Variants in SH3BGR observed in about 807,000 individuals in gnomAD.
The protein encoded by SH3BGR is SH3 domain-binding glutamic acid-rich protein.
In SH3BGR, 29 loss-of-function variants were observed where a neutral mutation model predicts 24.5. The observed-to-expected ratio is 1.18, with a 90% CI of 0.88 to 1.61. The LOEUF (loss-of-function observed/expected upper bound fraction) is 1.61, where lower values mean the gene tolerates loss of function less well. Among genes scored for constraint, SH3BGR ranks in the 40% most tolerant of loss-of-function variants. The pLI is 0.00. For missense variants in SH3BGR, 162 were observed against 205.8 expected, an observed-to-expected ratio of 0.79 and a Z score of 1.30; for synonymous variants, 55 against 65.7, an observed-to-expected ratio of 0.84 and a Z score of 0.79.
intron 5 of SH3BGR, among the ~76,000 whole-genome samples, chr21:39,510,142 C>T (rs1339841203): frequency 7.7e-6 from 1 of 129,440 alleles, no homozygotes; most frequent in Non-Finnish European, 1.6e-5. Flanking sequence ...CGGGGTTTCA[C>T]CGTGTTAGCC....
chr21:39,495,071 A>T (rs2123479453), intron 3 of SH3BGR, among the ~76,000 whole-genome samples: 1 of 152,000 alleles, frequency 6.6e-6, no homozygotes, highest in South Asian at 2.1e-4. Context: ...CTATTTTTCT[A>T]TTGAGAATCA....
At chr21:39,479,257 T>C (rs943067754) in intron 3 of SH3BGR, among the ~76,000 whole-genome samples, 1 of 148,480 alleles carries the variant, frequency 6.7e-6, no homozygotes, top group Admixed American at 6.7e-5. Context: ...GTGGTGGTGG[T>C]GATGGTAGTG....
At chr21:39,478,780 T>G (rs774392992) in intron 3 of SH3BGR, among the ~76,000 whole-genome samples, 38 of 152,096 alleles carry the variant, frequency 2.5e-4, no homozygotes, top group Non-Finnish European at 4.4e-5. Flanking sequence ...TTCCCTCTAT[T>G]GGTAGTTTTT....
intron 3 of SH3BGR, among the ~76,000 whole-genome samples, chr21:39,481,989 T>TA (rs1162466344): frequency 1.3e-5 from 2 of 152,124 alleles, no homozygotes; most frequent in Non-Finnish European, 2.9e-5. Flanking sequence ...ATCTTTATAA[T>TA]AAAGAGATCT....
intron 4 of SH3BGR, among the ~76,000 whole-genome samples, chr21:39,500,772 C>A (rs986389853): frequency 6.6e-6 from 1 of 152,154 alleles, no homozygotes; most frequent in African/African-American, 2.4e-5. Flanking sequence ...AGAGCTGGAT[C>A]CTCATTCACC....
At chr21:39,504,781 T>A (rs889864082) in intron 4 of SH3BGR, among the ~76,000 whole-genome samples, 2 of 152,196 alleles carry the variant, frequency 1.3e-5, no homozygotes, top group African/African-American at 4.8e-5. Flanking sequence ...TCTGCCTAAT[T>A]CCAGTATTTT....
At chr21:39,505,533 C>T (rs955154703) in intron 4 of SH3BGR, among the ~76,000 whole-genome samples, 3 of 152,104 alleles carry the variant, frequency 2.0e-5, no homozygotes, top group Non-Finnish European at 4.4e-5. Context: ...GAGGCTGAAG[C>T]GGGTGAATCA....
At position 39,494,443 on chromosome 21, in the gene SH3BGR, G is replaced by A. The variant is rs149155966; in HGVS notation, c.313-5380G>A. On this transcript the variant is annotated intron_variant, in intron 3 of 6. Transcript: ENST00000333634. ...TCTTTACTTTTCTTTTATCTGAAGT[G>A]TCTTTACTTTGCTTTCATTCTTGAG... is the stretch of plus-strand genomic sequence containing the variant. Among the ~76,000 whole-genome samples the A allele has an allele frequency of 3.8e-3, 577 of 152,026 alleles. 5 individuals carry two copies. The highest frequency in any genetic ancestry group is 0.013 in the African/African-American group (535 of 41,488).
intron 2 of SH3BGR, among the ~76,000 whole-genome samples, chr21:39,463,479 G>T (rs2077789780): frequency 6.6e-6 from 1 of 152,226 alleles, no homozygotes; most frequent in Non-Finnish European, 1.5e-5. Context: ...GGTTTTTGCA[G>T]ATGAGGAAAT....
chr21:39,459,445 G>A (rs948664887), intron 1 of SH3BGR, among the ~76,000 whole-genome samples: 2 of 152,068 alleles, frequency 1.3e-5, no homozygotes, highest in Non-Finnish European at 1.5e-5. Context: ...GGATAGTCTC[G>A]ATCTCTTCAC....
intron 2 of SH3BGR, among the ~76,000 whole-genome samples, chr21:39,474,848 T>C (rs967459108): frequency 6.6e-6 from 1 of 151,944 alleles, no homozygotes; most frequent in Non-Finnish European, 1.5e-5. Context: ...CCATTTACTG[T>C]GTATATTTGG....
At chr21:39,494,392 A>G (rs945801527) in intron 3 of SH3BGR, among the ~76,000 whole-genome samples, 7 of 151,942 alleles carry the variant, frequency 4.6e-5, no homozygotes, top group African/African-American at 1.7e-4. Flanking sequence ...GCATTGTTTC[A>G]TAGTGAAGGT....
At position 39,509,019 on chromosome 21, in the gene SH3BGR, A is replaced by C; in HGVS notation, c.427A>C (p.Thr143Pro). 3 of 1,610,004 alleles carry C rather than the reference A, an allele frequency of 1.9e-6. No homozygotes were observed. The highest frequency in any genetic ancestry group is 2.5e-6 in the Non-Finnish European group (3 of 1,177,540). The part of the protein sequence containing the change: ...EKNEEEGETA[T>P]EETEEIAMEG... ...TAAGGAAGAAGAAGGAGAGACAGCC[A>C]CAGAAGAGGTACGGTCGACCATCTT... The change falls in exon 5 of 7, where the codon ACA (threonine) becomes CCA (proline). Residue 143 changes from threonine (T) to proline (P), a missense_variant. By Grantham distance (38) the Thr-to-Pro change is conservative. Coordinates refer to ENST00000333634, the MANE Select transcript of SH3BGR (RefSeq NM_007341.3).
chr21:39,464,245 G>T lies in SH3BGR; in HGVS notation c.231+1685G>T, dbSNP rs937766836. Among the ~76,000 whole-genome samples, 6 of 151,612 alleles carry T rather than the reference G, an allele frequency of 4.0e-5. No individual in the cohort carries two copies. The South Asian group carries it at 1.2e-3, about 31-fold the overall frequency. On this transcript the variant is annotated intron_variant, in intron 2 of 6. Transcript: ENST00000333634. ...AGGTAACCCTCTTTTTTTTTGAGAT[G>T]GAGTTTCTCTCTTGTCTCCCAGGCT...
intron 1 of SH3BGR, among the ~76,000 whole-genome samples, chr21:39,455,531 G>A (rs1321163934): frequency 6.6e-6 from 1 of 152,244 alleles, no homozygotes; most frequent in Non-Finnish European, 1.5e-5. Flanking sequence ...AGCTGATACT[G>A]TGTCCCTGGG....
At position 39,514,392 on chromosome 21, in the gene SH3BGR, G is replaced by A. The variant is rs545649396; in HGVS notation, c.*35-696G>A. 3.3e-5 allele frequency among the ~76,000 whole-genome samples: 5 copies of A among 151,842 alleles called. No individual in the cohort carries two copies. In the South Asian group the frequency reaches 8.4e-4, roughly 25 times the overall value. ...TTATTTATTTTATTTTTTGAGACAG[G>A]GTCTCACTCTGTCACCCAGGCTGGA... On this transcript the variant is annotated intron_variant, in intron 6 of 6. Coordinates refer to ENST00000333634, the MANE Select transcript of SH3BGR (RefSeq NM_007341.3).
chr21:39,479,257 T>TG (rs2078085809), intron 3 of SH3BGR, among the ~76,000 whole-genome samples: 1 of 148,480 alleles, frequency 6.7e-6, no homozygotes, highest in African/African-American at 2.6e-5. Context: ...GTGGTGGTGG[T>TG]GATGGTAGTG....
rs56909090 is a variant in SH3BGR at position 39,496,506 on chromosome 21, C to CAA, written c.313-3295_313-3294dup. On this transcript the variant is annotated intron_variant, in intron 3 of 6. Coordinates refer to ENST00000333634, the MANE Select transcript of SH3BGR (RefSeq NM_007341.3). The stretch of plus-strand genomic sequence containing the variant: ...TGGGCGACAGAGCGAGACTCCGTCT[C>CAA]AAAAAAAAAAAAAAAAAAAAAAATT... Among the ~76,000 whole-genome samples the CAA allele has an allele frequency of 1.6e-3, 169 of 102,722 alleles. 1 individual carries two copies. Among genetic ancestry groups the CAA allele is most frequent in the Middle Eastern group, 0.011 (2 of 180 alleles). 67.4% of individuals were successfully genotyped at this position (102,722 alleles called of 152,430 possible).
chr21:39,514,823 A>G (rs573475384), intron 6 of SH3BGR, among the ~76,000 whole-genome samples: 8 of 152,222 alleles, frequency 5.3e-5, no homozygotes, highest in East Asian at 1.9e-4. Flanking sequence ...CCTATTTTCC[A>G]TGAAAACACA....
Sources: gnomAD v4.1 joint callset for allele counts (sites outside exome capture counted in the v4.1 genomes callset) on GRCh38, gnomAD v4.1.1 for gene constraint, MANE v1.5 for transcripts, NCBI Gene and HGNC (gene_info 2026-07-23, HGNC 2026-07-21) for gene names.